The following FKBP14 variants were observed in gnomAD, a reference collection of about 807,000 sequenced individuals.
FKBP14 encodes the protein peptidyl-prolyl cis-trans isomerase FKBP14.
Under a neutral mutation model 21.6 loss-of-function variants are expected in FKBP14, and 20 were observed. The ratio of observed to expected loss-of-function variants is 0.92; its 90% CI spans 0.65 to 1.34. FKBP14 has a LOEUF of 1.34. Ranked by LOEUF, FKBP14 falls within the 40% of genes most tolerant of loss-of-function variation. The pLI is 0.00. For missense variants in FKBP14, 253 were observed against 249.0 expected (o/e 1.02, Z -0.11); for synonymous variants, 79 against 86.7 (o/e 0.91, Z 0.49).
chr7:30,024,688 G>A (rs982376111), intron 1 of FKBP14, among the ~76,000 whole-genome samples: 1 of 152,294 alleles, frequency 6.6e-6, no homozygotes, highest in East Asian at 1.9e-4. Context: ...GAGCCACCAC[G>A]CCCAGCCAAT....
At chr7:30,024,698 T>C (rs1790127595) in intron 1 of FKBP14, among the ~76,000 whole-genome samples, 2 of 152,220 alleles carry the variant, frequency 1.3e-5, no homozygotes, top group African/African-American at 4.8e-5. Flanking sequence ...GCCCAGCCAA[T>C]TTGATGGTAT....
At chr7:30,023,307 A>G (rs1038059177) in intron 1 of FKBP14, among the ~76,000 whole-genome samples, 1 of 152,238 alleles carries the variant, frequency 6.6e-6, no homozygotes, top group South Asian at 2.1e-4. Context: ...AATAATGGAA[A>G]AATGGCTGAG....
rs370585319 is a variant in FKBP14, at chr7:30,014,633, AAAAC to A, written c.*98_*101del. ...AGTCAGAAAAAATATATAAAAATAAAAAACAAAGCAAGAAAGAACATTGTATAAA... is the reference window on the plus strand; with the variant it reads ...AGTCAGAAAAAATATATAAAAATAAAAAAGCAAGAAAGAACATTGTATAAA... On this transcript the variant is annotated 3_prime_UTR_variant, in exon 4 of 4. Transcript: ENST00000222803. 2.1e-5 allele frequency: 17 copies of A among 810,138 alleles called. No homozygotes were observed. Among genetic ancestry groups the A allele is most frequent in the Middle Eastern group, 4.2e-4 (1 of 2,404 alleles). The allele number at this position is 810,138 out of a possible 1,614,324, so 50.2% of individuals were successfully genotyped here.
Position 30,011,069 on chromosome 7 carries a change from G to C in FKBP14, c.*3666C>G, listed in dbSNP as rs1250522014. ...ATTTTTTTTTTTGAGACAGAGTCTT[G>C]CTCCTCTGTCACCCAGACTAGAGTG... On this transcript the variant is annotated 3_prime_UTR_variant, in exon 4 of 4. Coordinates refer to ENST00000222803, the MANE Select transcript of FKBP14 (RefSeq NM_017946.4). The C allele has an allele frequency of 1.3e-5, 2 of 150,114 alleles. No homozygotes were observed. Among genetic ancestry groups the C allele is most frequent in the East Asian group, 3.9e-4 (2 of 5,128 alleles). 9.3% of individuals were successfully genotyped at this position (150,114 alleles called of 1,614,324 possible).
At position 30,012,694 on chromosome 7, in the gene FKBP14, G is replaced by A. The variant is rs1027553465; in HGVS notation, c.*2041C>T. On this transcript the variant is annotated 3_prime_UTR_variant, in exon 4 of 4. Coordinates refer to ENST00000222803, the MANE Select transcript of FKBP14 (RefSeq NM_017946.4). Reference sequence around the variant, plus strand: ...AGAAGTAAAACACATCTGGAACCTCGCGTTGTTCAGGGTTTTTGAGGCAAT... The same window carrying A: ...AGAAGTAAAACACATCTGGAACCTCACGTTGTTCAGGGTTTTTGAGGCAAT... The A allele has an allele frequency of 6.6e-6, 1 of 152,164 alleles. No individual in the cohort carries two copies. Among genetic ancestry groups the A allele is most frequent in the East Asian group, 1.9e-4 (1 of 5,208 alleles). The allele number at this position is 152,164 out of a possible 1,614,324, so 9.4% of individuals were successfully genotyped here.
chr7:30,026,556 C>T lies in FKBP14; in HGVS notation c.-48G>A, dbSNP rs756293662. 6.5e-7 allele frequency: 1 copy of T among 1,541,084 alleles called. No individual in the cohort carries two copies. Among genetic ancestry groups the T allele is most frequent in the Non-Finnish European group, 8.8e-7 (1 of 1,137,858 alleles). ...TCCCTACAAAAGCAGCGAAAGGTCCCTCGACTTCATAGATTTAAGAACGTA... is the reference window on the plus strand; with the variant it reads ...TCCCTACAAAAGCAGCGAAAGGTCCTTCGACTTCATAGATTTAAGAACGTA... On this transcript the variant is annotated 5_prime_UTR_variant, in exon 1 of 4. Transcript: ENST00000222803.
At position 30,011,918 on chromosome 7, in the gene FKBP14, T is replaced by G. The variant is rs1789749623; in HGVS notation, c.*2817A>C. On this transcript the variant is annotated 3_prime_UTR_variant, in exon 4 of 4. Transcript: ENST00000222803. The stretch of plus-strand genomic sequence containing the variant: ...ATTGTTGTAGTATCTTTTCTGTGTT[T>G]AGATGTTTGAATAAACAGACACTTG... The G allele has an allele frequency of 6.6e-6, 1 of 152,190 alleles. No homozygotes were observed. The highest frequency in any genetic ancestry group is 6.5e-5 in the Admixed American group (1 of 15,276). The allele number at this position is 152,190 out of a possible 1,614,324, so 9.4% of individuals were successfully genotyped here.
chr7:30,022,488 C>T (rs1370218824), intron 2 of FKBP14, 177 bp downstream of exon 2: 7 of 531,082 alleles, frequency 1.3e-5, no homozygotes, highest in East Asian at 9.4e-5. Flanking sequence ...TTAGACATTA[C>T]GGCCTTAAAC....
At position 30,014,752 on chromosome 7, in the gene FKBP14, T is replaced by G. The variant is rs1281054139; in HGVS notation, c.619A>C (p.Lys207Gln). Residue 207 changes from lysine (K) to glutamine (Q), a missense_variant, in exon 4 of 4, where the codon AAA (lysine) becomes CAA (glutamine). Coordinates refer to ENST00000222803, the MANE Select transcript of FKBP14 (RefSeq NM_017946.4). Reference protein sequence around the residue: ...GFISAREFTYKHDEL With the variant: ...GFISAREFTYQHDEL ...ATGTATCTCTATAACTCATCGTGTTTATATGTAAATTCTCTGGCAGATATA... is the reference window on the plus strand; with the variant it reads ...ATGTATCTCTATAACTCATCGTGTTGATATGTAAATTCTCTGGCAGATATA... The G allele has an allele frequency of 1.9e-6, 3 of 1,602,052 alleles. No individual in the cohort carries two copies. Among genetic ancestry groups the G allele is most frequent in the Non-Finnish European group, 2.6e-6 (3 of 1,175,890 alleles).
At chr7:30,009,462 A>G (rs1454123488), downstream of FKBP14, among the ~76,000 whole-genome samples, 1 of 151,998 alleles carries the variant, frequency 6.6e-6, no homozygotes, top group Non-Finnish European at 1.5e-5. Context: ...CGAGCACCTG[A>G]CCTCAAGTGA....
rs1583723553 is a variant in FKBP14, at chr7:30,013,085, A to G, written c.*1650T>C. On this transcript the variant is annotated 3_prime_UTR_variant, in exon 4 of 4. Transcript: ENST00000222803. ...AAAAGCGAAGATAATAATGCACTTAATATCATTTTGTACACTATAAAGGGC... is the reference window on the plus strand; with the variant it reads ...AAAAGCGAAGATAATAATGCACTTAGTATCATTTTGTACACTATAAAGGGC... 1.3e-5 allele frequency: 2 copies of G among 152,202 alleles called. No homozygotes were observed. Among genetic ancestry groups the G allele is most frequent in the South Asian group, 2.1e-4 (1 of 4,832 alleles). The allele number at this position is 152,202 out of a possible 1,614,324, so 9.4% of individuals were successfully genotyped here.
At position 30,013,624 on chromosome 7, in the gene FKBP14, TG is replaced by T. The variant is rs1789802878; in HGVS notation, c.*1110del. 1 of 152,180 alleles carries T rather than the reference TG, an allele frequency of 6.6e-6. No individual in the cohort carries two copies. Among genetic ancestry groups the T allele is most frequent in the South Asian group, 2.1e-4 (1 of 4,836 alleles). The allele number at this position is 152,180 out of a possible 1,614,324, so 9.4% of individuals were successfully genotyped here. A position where few individuals can be genotyped will look rare whatever the true frequency, so the allele number is the denominator to read the frequency against. On this transcript the variant is annotated 3_prime_UTR_variant, in exon 4 of 4. Coordinates refer to ENST00000222803, the MANE Select transcript of FKBP14 (RefSeq NM_017946.4). ...ACTTTATCTTATGATACAATGTTAT[TG>T]TAGTATAATATACTATAGACTACCC...
At chr7:30,024,570 G>T (rs1790123134) in intron 1 of FKBP14, among the ~76,000 whole-genome samples, 1 of 152,140 alleles carries the variant, frequency 6.6e-6, no homozygotes, top group South Asian at 2.1e-4. Context: ...GATAACTTTT[G>T]TATTTTTAGT....
chr7:30,009,316 T>C (rs1035929646), downstream of FKBP14, among the ~76,000 whole-genome samples: 7 of 151,652 alleles, frequency 4.6e-5, no homozygotes, highest in African/African-American at 1.7e-4. Context: ...CACTTCAACC[T>C]CCACCTCCCA....
intron 1 of FKBP14, among the ~76,000 whole-genome samples, chr7:30,024,404 T>C (rs1790116834): frequency 6.6e-6 from 1 of 152,174 alleles, no homozygotes; most frequent in African/African-American, 2.4e-5. Flanking sequence ...CATTTGATGG[T>C]ATTTCTTTTT....
chr7:30,007,411 T>C (rs1157174239), downstream of FKBP14, among the ~76,000 whole-genome samples: 2 of 152,100 alleles, frequency 1.3e-5, no homozygotes, highest in Non-Finnish European at 2.9e-5. Context: ...GGTTTCACCA[T>C]GTTGACCAGG....
Position 30,019,057 on chromosome 7 carries a change from C to T in FKBP14, c.416G>A (p.Arg139Lys). The T allele has an allele frequency of 6.3e-7, 1 of 1,598,640 alleles. No individual in the cohort carries two copies. The highest frequency in any genetic ancestry group is 8.5e-7 in the Non-Finnish European group (1 of 1,175,362). ...IDLLEIRNGP[R>K]SHESFQEMDL... ...CATTTCTTGGAATGATTCATGGGAT[C>T]TTGGTCCATTTCGAATCTCCAGGAG... Residue 139 changes from arginine to lysine, a missense_variant, in exon 3 of 4, where the codon AGA becomes AAA. By Grantham distance (26) the Arg-to-Lys change is conservative. Coordinates refer to ENST00000222803, the MANE Select transcript of FKBP14 (RefSeq NM_017946.4).
chr7:30,011,018 TTTA>T lies in FKBP14; in HGVS notation c.*3714_*3716del, dbSNP rs1562834012. ...ATTTACAGTAAGCTAAGGTTAGTTT[TTTA>T]TTATTTCTATAAAAATTATAGAATT... On this transcript the variant is annotated 3_prime_UTR_variant, in exon 4 of 4. Coordinates refer to ENST00000222803, the MANE Select transcript of FKBP14 (RefSeq NM_017946.4). The T allele has an allele frequency of 6.6e-6, 1 of 152,112 alleles. No homozygotes were observed. The highest frequency in any genetic ancestry group is 1.5e-5 in the Non-Finnish European group (1 of 68,020). 9.4% of individuals were successfully genotyped at this position (152,112 alleles called of 1,614,324 possible). A position where few individuals can be genotyped will look rare whatever the true frequency, so the allele number is the denominator to read the frequency against.
intron 3 of FKBP14, 130 bp from the exon 4 acceptor site, chr7:30,015,023 T>C (rs1789843806): frequency 2.1e-6 from 1 of 471,678 alleles, no homozygotes; most frequent in Non-Finnish European, 3.6e-6. Flanking sequence ...TAAACAGCCA[T>C]TTTATGACAT....
Sources: gnomAD v4.1 joint callset for allele counts (sites outside exome capture counted in the v4.1 genomes callset) on GRCh38, gnomAD v4.1.1 for gene constraint, MANE v1.5 for transcripts, NCBI Gene and HGNC (gene_info 2026-07-23, HGNC 2026-07-21) for gene names.